The following FRMPD4 variants were observed in gnomAD, a reference collection of about 807,000 sequenced individuals.
FRMPD4 encodes FERM and PDZ domain containing 4.
Under a neutral mutation model 94.1 loss-of-function variants are expected in FRMPD4, and 22 were observed. The observed-to-expected ratio is 0.23, with a 90% confidence interval of 0.17 to 0.33. The LOEUF is 0.33. FRMPD4 is among the 10% of genes least tolerant of loss of function. The pLI is 1.00. For missense variants in FRMPD4, 1,111 were observed against 1,339.9 expected, an observed-to-expected ratio of 0.83 and a Z score of 2.67; for synonymous variants, 631 against 548.6, an observed-to-expected ratio of 1.15 and a Z score of -2.10.
rs776092786 is a variant in FRMPD4, at chrX:12,461,261, T to C, written c.42-37419T>C. 8.9e-5 allele frequency among the ~76,000 whole-genome samples: 10 copies of C among 112,021 alleles called. No homozygotes were observed. The South Asian group carries it at 1.5e-3, about 17-fold the overall frequency. On this transcript the variant is annotated intron_variant, in intron 1 of 16. Transcript: ENST00000675598. ...TTCCCAAAACGAGATGTGTGATACATGCATGTAACTAACATAGTTCTCATT... is the reference window on the plus strand; with the variant it reads ...TTCCCAAAACGAGATGTGTGATACACGCATGTAACTAACATAGTTCTCATT...
chrX:12,586,909 A>G (rs181480581), intron 2 of FRMPD4, among the ~76,000 whole-genome samples: 8 of 111,927 alleles, frequency 7.1e-5, no homozygotes, highest in Admixed American at 5.7e-4. Context: ...TGCTCCAAAG[A>G]GGCACTGAAG....
chrX:12,043,754 T>C (rs1336377379), intron 3 of FRMPD4, among the ~76,000 whole-genome samples: 2 of 112,398 alleles, frequency 1.8e-5, no homozygotes, highest in Non-Finnish European at 3.8e-5. Context: ...TATTAAAATA[T>C]TCCTTCTATT....
At chrX:12,279,507 A>C (rs1446660275) in intron 1 of FRMPD4, among the ~76,000 whole-genome samples, 1 of 111,974 alleles carries the variant, frequency 8.9e-6, no homozygotes, top group Admixed American at 9.4e-5. Flanking sequence ...AGGCTTTCAG[A>C]GAAAGTGACC....
intron 1 of FRMPD4, among the ~76,000 whole-genome samples, chrX:12,369,240 T>G (rs1481450888): frequency 1.0e-5 from 1 of 98,426 alleles, no homozygotes; most frequent in Non-Finnish European, 2.0e-5. Flanking sequence ...ATAAACTCAG[T>G]TTTTTTTTTT....
intron 1 of FRMPD4, among the ~76,000 whole-genome samples, chrX:12,386,209 A>G (rs1345127230): frequency 8.9e-6 from 1 of 112,579 alleles, no homozygotes; most frequent in Non-Finnish European, 1.9e-5. Context: ...AGCTCAGTGC[A>G]GCTGAAATTT....
chrX:12,437,640 T>G (rs942329633), intron 1 of FRMPD4, among the ~76,000 whole-genome samples: 1 of 111,669 alleles, frequency 9.0e-6, no homozygotes. Flanking sequence ...AAGGTGTTAC[T>G]CCATTGTCTT....
chrX:12,451,299 C>G, intron 1 of FRMPD4, among the ~76,000 whole-genome samples: 1 of 111,966 alleles, frequency 8.9e-6, no homozygotes, highest in Non-Finnish European at 1.9e-5. Flanking sequence ...CTCCAATGAA[C>G]AGATAATTAA....
intron 1 of FRMPD4, among the ~76,000 whole-genome samples, chrX:12,325,938 C>T (rs5935298): frequency 0.13 from 15,039 of 111,590 alleles, 917 homozygotes; most frequent in Non-Finnish European, 0.18. Context: ...GTGAAGAGCA[C>T]GCTGTTTCAC....
chrX:12,182,081 G>C (rs1202171970), intron 1 of FRMPD4, among the ~76,000 whole-genome samples: 1 of 111,545 alleles, frequency 9.0e-6, no homozygotes, highest in Non-Finnish European at 1.9e-5. Context: ...GCTGAAAGTA[G>C]TCAGCTCTAC....
chrX:12,594,592 C>T (rs916240199), intron 2 of FRMPD4, among the ~76,000 whole-genome samples: 2 of 110,155 alleles, frequency 1.8e-5, no homozygotes, highest in Non-Finnish European at 3.8e-5. Context: ...CCCGCCACCA[C>T]GCCTGGCTAA....
At chrX:12,553,433 CCTATATATATATAT>C (rs1428622935) in intron 2 of FRMPD4, among the ~76,000 whole-genome samples, 8 of 28,753 alleles carry the variant, frequency 2.8e-4, no homozygotes, top group South Asian at 2.4e-3. Flanking sequence ...TATCCATATG[CCTATATATATATAT>C]ATATATATAT....
chrX:11,901,330 T>TA (rs942607083), intron 3 of FRMPD4, among the ~76,000 whole-genome samples: 1 of 112,196 alleles, frequency 8.9e-6, no homozygotes, highest in African/African-American at 3.2e-5. Flanking sequence ...AGCTCCCACT[T>TA]ATAAGTGAGA....
chrX:12,328,205 T>C (rs2055317774), intron 1 of FRMPD4, among the ~76,000 whole-genome samples: 1 of 112,304 alleles, frequency 8.9e-6, no homozygotes, highest in African/African-American at 3.2e-5. Context: ...CCCTGGGTAA[T>C]AATTTTCTAA....
At chrX:12,433,602 C>T (rs1463163904) in intron 1 of FRMPD4, among the ~76,000 whole-genome samples, 1 of 112,333 alleles carries the variant, frequency 8.9e-6, no homozygotes, top group African/African-American at 3.2e-5. Flanking sequence ...ACACTGTTTT[C>T]TGACAACTTA....
intron 3 of FRMPD4, among the ~76,000 whole-genome samples, chrX:12,099,945 C>T (rs777538783): frequency 6.2e-5 from 7 of 112,178 alleles, no homozygotes; most frequent in Non-Finnish European, 1.3e-4. Flanking sequence ...AACTACTGCC[C>T]ATAGCCAAAT....
At chrX:12,299,030 C>T (rs1382352069) in intron 1 of FRMPD4, among the ~76,000 whole-genome samples, 3 of 112,009 alleles carry the variant, frequency 2.7e-5, no homozygotes, top group Non-Finnish European at 5.6e-5. Context: ...TGGAAATAAA[C>T]ATCTAAGAAT....
At chrX:12,007,977 G>A (rs1430140929) in intron 3 of FRMPD4, among the ~76,000 whole-genome samples, 1 of 111,777 alleles carries the variant, frequency 8.9e-6, no homozygotes, top group African/African-American at 3.3e-5. Flanking sequence ...CCATTAAGAG[G>A]GGGAAGGAGA....
chrX:11,934,815 A>G (rs1004919570), intron 3 of FRMPD4, among the ~76,000 whole-genome samples: 1 of 111,807 alleles, frequency 8.9e-6, no homozygotes, highest in Non-Finnish European at 1.9e-5. Flanking sequence ...TGATGAAGGA[A>G]TGAATGATGT....
intron 1 of FRMPD4, among the ~76,000 whole-genome samples, chrX:11,840,883 A>G (rs1173399051): frequency 1.1e-5 from 1 of 90,297 alleles, no homozygotes; most frequent in Non-Finnish European, 2.2e-5. Flanking sequence ...TCCTAAAGCT[A>G]TCCCGCCCCC....
Sources: allele counts gnomAD v4.1 joint callset (sites outside exome capture counted in the v4.1 genomes callset), GRCh38; gene constraint gnomAD v4.1.1; transcripts MANE v1.5; gene names NCBI Gene and HGNC (gene_info 2026-07-23, HGNC 2026-07-21).